Variants in RIMKLB observed in about 807,000 individuals in gnomAD.
RIMKLB encodes the protein beta-citrylglutamate synthase B.
In RIMKLB, 7 loss-of-function variants were observed where a neutral mutation model predicts 32.0. The observed-to-expected ratio is 0.22, with a 90% CI of 0.12 to 0.41. The LOEUF is 0.41. RIMKLB is among the 10% of genes least tolerant of loss of function. The pLI, the probability that RIMKLB is intolerant of heterozygous loss-of-function variation, is 1.00. For synonymous variants in RIMKLB, 172 were observed against 185.1 expected (o/e 0.93, Z 0.57); for missense variants, 289 against 498.7 (o/e 0.58, Z 4.00).
Position 8,773,810 on chromosome 12 carries a change from C to T in RIMKLB, c.*26C>T. 6.4e-7 allele frequency: 1 copy of T among 1,573,386 alleles called. No individual in the cohort carries two copies. The highest frequency in any genetic ancestry group is 1.4e-5 in the African/African-American group (1 of 73,388). On this transcript the variant is annotated 3_prime_UTR_variant, in exon 6 of 6. Coordinates refer to ENST00000535829, the MANE Select transcript of RIMKLB (RefSeq NM_001297776.2). ...CTCCACTGGTAATTAACCAACAAAACCCTTGTAAAACTTTCTTTCTTCTTT... is the reference window on the plus strand; with the variant it reads ...CTCCACTGGTAATTAACCAACAAAATCCTTGTAAAACTTTCTTTCTTCTTT...
At chr12:8,717,719 C>T (rs1039382565) in intron 2 of RIMKLB, among the ~76,000 whole-genome samples, 9 of 152,142 alleles carry the variant, frequency 5.9e-5, no homozygotes, top group African/African-American at 2.2e-4. Flanking sequence ...ATTACAGTAA[C>T]CTCTAAATTT....
intron 2 of RIMKLB, among the ~76,000 whole-genome samples, chr12:8,718,665 A>ATGTGTGTG (rs1168492811): frequency 5.8e-4 from 61 of 104,314 alleles, no homozygotes; most frequent in African/African-American, 1.3e-3. Context: ...ATATATATAT[A>ATGTGTGTG]TATATGTGTG....
Position 8,773,348 on chromosome 12 carries a change from G to A in RIMKLB, c.725G>A (p.Ser242Asn), listed in dbSNP as rs1411603144. ...GGTGTGGGGATGATGTGCTCATTGA[G>A]TGAACAAGGGAAGCAGCTAGCTATC... ...LGGVGMMCSL[S>N]EQGKQLAIQV... Residue 242 changes from serine to asparagine, a missense_variant, in exon 6 of 6, where the codon AGT (serine) becomes AAT (asparagine). Transcript: ENST00000535829. The A allele has an allele frequency of 6.2e-7, 1 of 1,613,732 alleles. No homozygotes were observed. The highest frequency in any genetic ancestry group is 1.3e-5 in the African/African-American group (1 of 74,948).
intron 5 of RIMKLB, among the ~76,000 whole-genome samples, chr12:8,756,027 C>A (rs964269285): frequency 6.6e-6 from 1 of 151,940 alleles, no homozygotes; most frequent in African/African-American, 2.4e-5. Flanking sequence ...GTGGCACATT[C>A]CTGTTTAGTC....
intron 2 of RIMKLB, among the ~76,000 whole-genome samples, chr12:8,718,096 C>T (rs1945040432): frequency 6.6e-6 from 1 of 152,154 alleles, no homozygotes; most frequent in Admixed American, 6.5e-5. Flanking sequence ...TTTTTCACAA[C>T]TATCCCACTG....
chr12:8,712,837 GC>G (rs1275237435), intron 1 of RIMKLB, among the ~76,000 whole-genome samples: 1 of 152,066 alleles, frequency 6.6e-6, no homozygotes, highest in Middle Eastern at 3.2e-3. Context: ...TGTAGTTTTT[GC>G]CCAGGACCTT....
chr12:8,701,674 C>T (rs1010247498), intron 1 of RIMKLB, among the ~76,000 whole-genome samples: 2 of 148,160 alleles, frequency 1.3e-5, no homozygotes, highest in African/African-American at 2.5e-5. Flanking sequence ...TAAGAGAACC[C>T]GAAAACATTA....
At chr12:8,780,161 T>G (rs1219039951), downstream of RIMKLB, 2 of 152,226 alleles carry the variant, frequency 1.3e-5, no homozygotes, top group Non-Finnish European at 2.9e-5. Flanking sequence ...AAAAAACTTT[T>G]ATATTGCTGC....
In RIMKLB at chr12:8,764,261, C is replaced by T. The variant is rs74061804; in HGVS notation, c.698-9060C>T. ...TAACTTGAACGGGACAGGAATTCTT[C>T]GCTTGTCCATATTGTCCTTCTGTTC... On this transcript the variant is annotated intron_variant, in intron 5 of 5. Transcript: ENST00000535829. 4.4e-3 allele frequency among the ~76,000 whole-genome samples: 666 copies of T among 152,228 alleles called. 6 individuals are homozygous for T. Among genetic ancestry groups the T allele is most frequent in the African/African-American group, 0.015 (641 of 41,522 alleles).
rs1351036346 is a variant in RIMKLB, at chr12:8,707,240, C to A, written c.-56-6571C>A. On this transcript the variant is annotated intron_variant, in intron 1 of 5. Transcript: ENST00000535829. ...TGCCAAAACGACCCCGTACCATGCCCCCCACCAGTACAGGCCTCTGGACTT... is the reference window on the plus strand; with the variant it reads ...TGCCAAAACGACCCCGTACCATGCCACCCACCAGTACAGGCCTCTGGACTT... 2.0e-5 allele frequency among the ~76,000 whole-genome samples: 3 copies of A among 152,144 alleles called. No homozygotes were observed. The East Asian group carries it at 5.8e-4, about 29-fold the overall frequency.
chr12:8,688,838 C>CT (rs912116531), intron 1 of RIMKLB, among the ~76,000 whole-genome samples: 77 of 146,072 alleles, frequency 5.3e-4, no homozygotes, highest in South Asian at 8.7e-4. Flanking sequence ...TTCTTTCTTT[C>CT]TTTTTTTTTT....
At chr12:8,677,844 C>G (rs1426869961), upstream of RIMKLB, among the ~76,000 whole-genome samples, 1 of 151,724 alleles carries the variant, frequency 6.6e-6, no homozygotes, top group Non-Finnish European at 1.5e-5. Flanking sequence ...CCTCCACCTC[C>G]TGGGCTCAGG....
chr12:8,723,958 G>A (rs1422576375), intron 2 of RIMKLB, among the ~76,000 whole-genome samples: 1 of 151,890 alleles, frequency 6.6e-6, no homozygotes, highest in East Asian at 1.9e-4. Context: ...TGGGACTACA[G>A]GCACGCGCCA....
At chr12:8,715,228 C>CCTTT (rs1445737752) in intron 2 of RIMKLB, among the ~76,000 whole-genome samples, 6 of 123,760 alleles carry the variant, frequency 4.8e-5, no homozygotes, top group African/African-American at 2.0e-4. Context: ...TGCTCTTGTT[C>CCTTT]TTTTTTTTTT....
intron 3 of RIMKLB, among the ~76,000 whole-genome samples, chr12:8,751,532 G>A (rs1323260139): frequency 6.6e-6 from 1 of 152,166 alleles, no homozygotes; most frequent in East Asian, 1.9e-4. Context: ...ATAATAAAAA[G>A]AGAATGTGTC....
At chr12:8,731,060 G>A (rs1245814702) in intron 2 of RIMKLB, among the ~76,000 whole-genome samples, 1 of 150,536 alleles carries the variant, frequency 6.6e-6, no homozygotes, top group East Asian at 2.0e-4. Context: ...TTTCTTGATT[G>A]GGCATTTGCT....
chr12:8,681,058 T>G (rs1374113596), upstream of RIMKLB, among the ~76,000 whole-genome samples: 1 of 151,530 alleles, frequency 6.6e-6, no homozygotes, highest in African/African-American at 2.4e-5. Context: ...AATCTTGGGC[T>G]CAAATGATCC....
At chr12:8,755,913 G>T (rs761176148) in intron 5 of RIMKLB, among the ~76,000 whole-genome samples, 1 of 152,070 alleles carries the variant, frequency 6.6e-6, no homozygotes, top group Admixed American at 6.6e-5. Context: ...CAGCACTTTC[G>T]TAGGCCAAGG....
chr12:8,765,208 C>T (rs1270937108), intron 5 of RIMKLB, among the ~76,000 whole-genome samples: 1 of 151,966 alleles, frequency 6.6e-6, no homozygotes, highest in Non-Finnish European at 1.5e-5. Context: ...CTTCCTTTCC[C>T]TGTGTTATAG....
Sources: allele counts gnomAD v4.1 joint callset (sites outside exome capture counted in the v4.1 genomes callset), GRCh38; gene constraint gnomAD v4.1.1; transcripts MANE v1.5; gene names NCBI Gene and HGNC (gene_info 2026-07-23, HGNC 2026-07-21).